TMC4: variants seen among roughly 807,000 people sequenced by gnomAD.
The protein encoded by TMC4 is voltage-gated chloride channel TMC4.
A neutral mutation model predicts 82.0 loss-of-function variants in TMC4; 70 were observed. That is an observed-to-expected ratio of 0.85 (90% CI 0.70 to 1.04). The LOEUF is 1.04. Among genes scored for constraint, TMC4 ranks in the 50% least tolerant of loss-of-function variants. TMC4 has a pLI of 0.00. For missense variants in TMC4, 879 were observed against 899.0 expected (o/e 0.98, Z 0.28); for synonymous variants, 446 against 406.0 (o/e 1.10, Z -1.18).
chr19:54,165,280 C>T, intron 6 of TMC4, 139 bp downstream of exon 6: 1 of 1,050,978 alleles, frequency 9.5e-7, no homozygotes, highest in Non-Finnish European at 1.3e-6. Flanking sequence ...CTTCTCATTC[C>T]CCAGGACCTG....
intron 13 of TMC4, 63 bp downstream of exon 13, chr19:54,160,815 G>T: frequency 6.3e-7 from 1 of 1,582,576 alleles, no homozygotes; most frequent in Non-Finnish European, 8.6e-7. Context: ...TCTCTTGGAC[G>T]CAGGTGGTGG....
intron 5 of TMC4, among the ~76,000 whole-genome samples, chr19:54,166,191 C>T (rs373373011): frequency 2.0e-5 from 3 of 150,460 alleles, no homozygotes; most frequent in African/African-American, 4.9e-5. Flanking sequence ...CCAGCCTGGC[C>T]AATGTGGTGA....
chr19:54,162,252 A>ACCCAGCGC lies in TMC4; in HGVS notation c.1528_1535dup (p.Leu514TrpfsTer50), dbSNP rs1174559645. 3 of 1,602,922 alleles carry ACCCAGCGC rather than the reference A, an allele frequency of 1.9e-6. No homozygotes were observed. The African/African-American group carries it at 4.1e-5, about 22-fold the overall frequency. On this transcript the variant is annotated frameshift_variant, in exon 11 of 15. Transcript: ENST00000619895. LOFTEE classifies it high-confidence loss of function. The stretch of plus-strand genomic sequence containing the variant: ...GGAACTCTTGGGTCCCCGCCAGACG[A>ACCCAGCGC]CCCAGCGCCCCAGGACAGAGGCCAC...
intron 9 of TMC4, 52 bp downstream of exon 9, chr19:54,162,981 C>G: frequency 6.2e-7 from 1 of 1,613,880 alleles, no homozygotes; most frequent in South Asian, 1.1e-5. Context: ...CACCCAGCTC[C>G]ATCTTTCCTT....
Position 54,169,533 on chromosome 19 carries a change from A to C in TMC4, c.421T>G (p.Trp141Gly), listed in dbSNP as rs1275279150. The change falls in exon 3 of 15, where the codon TGG becomes GGG. Residue 141 changes from tryptophan to glycine, a missense_variant. Transcript: ENST00000619895. ...GCACCCCCGATCCTCTTCAGTGTCC[A>C]CGCCCAGGGCTGCAGGCTTCGCAAG... ...EGLRSLQPWAWTLKRIGGQFG... is the reference protein window; with the variant it reads ...EGLRSLQPWAGTLKRIGGQFG... 6.2e-7 allele frequency: 1 copy of C among 1,612,456 alleles called. No homozygotes were observed. Among genetic ancestry groups the C allele is most frequent in the Admixed American group, 1.7e-5 (1 of 59,878 alleles).
chr19:54,168,571 C>T lies in TMC4; in HGVS notation c.552G>A (p.Trp184Ter). Residue 184 changes from tryptophan to a stop codon, truncating the protein, a stop_gained, in exon 4 of 15, where the codon TGG becomes TGA. Transcript: ENST00000619895. LOFTEE classifies it high-confidence loss of function. ...GAGGGCCTGGGGGAGCGCCTCCCAACCAGGTGGGCAGCAGCGTCATGCAGG... is the reference window on the plus strand; with the variant it reads ...GAGGGCCTGGGGGAGCGCCTCCCAATCAGGTGGGCAGCAGCGTCATGCAGG... Reference protein sequence around the residue: ...LMACMTLLPTWLGGAPPGPPG... With the variant: ...LMACMTLLPT The T allele has an allele frequency of 6.3e-7, 1 of 1,584,180 alleles. No individual in the cohort carries two copies.
intron 5 of TMC4, among the ~76,000 whole-genome samples, chr19:54,167,782 G>A (rs2075740850): frequency 6.6e-6 from 1 of 151,592 alleles, no homozygotes; most frequent in African/African-American, 2.4e-5. Context: ...GGATTCTGGG[G>A]CCGGGCGCGG....
chr19:54,171,843 G>C, intron 2 of TMC4, 27 bp downstream of exon 2: 1 of 1,567,386 alleles, frequency 6.4e-7, no homozygotes, highest in Non-Finnish European at 8.7e-7. Flanking sequence ...CGGGCTGTGC[G>C]GGTCCCAGCT....
In TMC4 at chr19:54,168,681, C is replaced by T. The variant is rs758191220; in HGVS notation, c.443-1G>A. The T allele has an allele frequency of 2.6e-6, 4 of 1,520,980 alleles. No individual in the cohort carries two copies. The highest frequency in any genetic ancestry group is 4.9e-5 in the East Asian group (2 of 40,992). The allele number at this position is 1,520,980 out of a possible 1,614,324, so 94.2% of individuals were successfully genotyped here. Reference sequence around the variant, plus strand: ...GACTCCGTGCCGGCGCCAAACTGGCCTGCAGGGGGCAGCAGAGAGAGGCTC... The same window carrying T: ...GACTCCGTGCCGGCGCCAAACTGGCTTGCAGGGGGCAGCAGAGAGAGGCTC... On this transcript the variant is annotated splice_acceptor_variant, in intron 3 of 14. Coordinates refer to ENST00000619895, the MANE Select transcript of TMC4 (RefSeq NM_144686.4). LOFTEE classifies it high-confidence loss of function.
In TMC4 at chr19:54,163,164, A is replaced by G; in HGVS notation, c.1278-5T>C. 6.2e-7 allele frequency: 1 copy of G among 1,613,636 alleles called. No individual in the cohort carries two copies. The highest frequency in any genetic ancestry group is 8.5e-7 in the Non-Finnish European group (1 of 1,179,964). ...GCGAGGCGAAGAAACACGGTCCTGA[A>G]GGGGGGAAGGCAGAGAATGGGCCCT... is the stretch of plus-strand genomic sequence containing the variant. On this transcript the variant is annotated splice_region_variant and splice_polypyrimidine_tract_variant and intron_variant, in intron 8 of 14. Coordinates refer to ENST00000619895, the MANE Select transcript of TMC4 (RefSeq NM_144686.4).
rs985907631 is a variant in TMC4, at chr19:54,163,692, A to C, written c.1277+32T>G. 7 of 1,613,040 alleles carry C rather than the reference A, an allele frequency of 4.3e-6. No individual in the cohort carries two copies. In the African/African-American group the frequency reaches 5.4e-5, roughly 12 times the overall value. ...ATCCCTCTGACCGCCCCCACCCTTCATCATTCCCAGCCATCCCCGTGAGGC... is the reference window on the plus strand; with the variant it reads ...ATCCCTCTGACCGCCCCCACCCTTCCTCATTCCCAGCCATCCCCGTGAGGC... On this transcript the variant is annotated intron_variant, in intron 8 of 14. Coordinates refer to ENST00000619895, the MANE Select transcript of TMC4 (RefSeq NM_144686.4).
chr19:54,169,451 C>A (rs1490272135), intron 3 of TMC4, 61 bp downstream of exon 3: 20 of 1,542,082 alleles, frequency 1.3e-5, no homozygotes, highest in Non-Finnish European at 1.7e-5. Context: ...CCCAGCCCCT[C>A]CTCCCTCAGA....
rs555232816 is a variant in TMC4, at chr19:54,169,010, ATTTT to A, written c.443-334_443-331del. Among the ~76,000 whole-genome samples, 20 of 6,986 alleles carry A rather than the reference ATTTT, an allele frequency of 2.9e-3. 4 individuals carry two copies. Among genetic ancestry groups the A allele is most frequent in the East Asian group, 7.1e-3 (1 of 140 alleles). The allele number at this position is 6,986 out of a possible 152,430, so 4.6% of individuals were successfully genotyped here. On this transcript the variant is annotated intron_variant, in intron 3 of 14. Transcript: ENST00000619895. ...TCTCTCTCTCTATATATATATATAT[ATTTT>A]TTTTTTTTTCTTTTCTTTTCTTTTC...
rs564140643 is a variant in TMC4, at chr19:54,171,165, A to G, written c.293+705T>C. The stretch of plus-strand genomic sequence containing the variant: ...GCTCTATCACCCAGGCCGGAGTCCA[A>G]TGGCACGATCTTGGCTCACTGCAAC... On this transcript the variant is annotated intron_variant, in intron 2 of 14. Coordinates refer to ENST00000619895, the MANE Select transcript of TMC4 (RefSeq NM_144686.4). Among the ~76,000 whole-genome samples, 10 of 60,668 alleles carry G rather than the reference A, an allele frequency of 1.6e-4. No homozygotes were observed. In the East Asian group the frequency reaches 5.4e-3, roughly 32 times the overall value. The allele number at this position is 60,668 out of a possible 152,430, so 39.8% of individuals were successfully genotyped here.
intron 4 of TMC4, 43 bp from the exon 5 acceptor site, chr19:54,168,335 G>A: frequency 6.5e-7 from 1 of 1,541,082 alleles, no homozygotes; most frequent in Non-Finnish European, 8.8e-7. Context: ...GGGAGGAGGC[G>A]GGGCTCCTGG....
intron 3 of TMC4, 74 bp downstream of exon 3, chr19:54,169,438 G>C: frequency 2.7e-6 from 4 of 1,497,110 alleles, no homozygotes; most frequent in Non-Finnish European, 3.6e-6. Flanking sequence ...CCAGGAGTCC[G>C]TCCCCAGCCC....
rs753398492 is a variant in TMC4, at chr19:54,169,507, C to T, written c.442+5G>A. On this transcript the variant is annotated splice_donor_5th_base_variant and intron_variant, in intron 3 of 14. Coordinates refer to ENST00000619895, the MANE Select transcript of TMC4 (RefSeq NM_144686.4). The stretch of plus-strand genomic sequence containing the variant: ...CCCCAGGACACCACCCAAACCCCAC[C>T]GCACCCCCGATCCTCTTCAGTGTCC... The T allele has an allele frequency of 1.2e-5, 19 of 1,610,872 alleles. No homozygotes were observed. Among genetic ancestry groups the T allele is most frequent in the Admixed American group, 3.3e-5 (2 of 59,836 alleles).
intron 2 of TMC4, among the ~76,000 whole-genome samples, chr19:54,171,166 T>C (rs28736717): frequency 0.018 from 1,132 of 61,812 alleles, 13 homozygotes; most frequent in African/African-American, 0.059. Flanking sequence ...CGGAGTCCAA[T>C]GGCACGATCT....
In TMC4 at chr19:54,160,539, C is replaced by T. The variant is rs376813975; in HGVS notation, c.1980G>A (p.Leu660=). 10 of 1,613,956 alleles carry T rather than the reference C, an allele frequency of 6.2e-6. No homozygotes were observed. The highest frequency in any genetic ancestry group is 1.3e-5 in the African/African-American group (1 of 74,896). ...TAGCCAGAGCCACAGTGTACGCCAT[C>T]AGGATGCTGAAGGAGACAGGAACGG... The part of the protein sequence containing the change: ...AVPLLLISSI[L]MAYTVALANS... Residue 660 remains leucine, a synonymous_variant, in exon 14 of 15, where the codon CTG becomes CTA. Coordinates refer to ENST00000619895, the MANE Select transcript of TMC4 (RefSeq NM_144686.4).
Sources: gnomAD v4.1 joint callset for allele counts (sites outside exome capture counted in the v4.1 genomes callset) on GRCh38, gnomAD v4.1.1 for gene constraint, MANE v1.5 for transcripts, NCBI Gene and HGNC (gene_info 2026-07-23, HGNC 2026-07-21) for gene names.